Variants in C5orf46 observed in about 807,000 individuals in gnomAD.
C5orf46 encodes uncharacterized protein C5orf46.
C5orf46 carries 9 observed loss-of-function variants against 8.9 expected under a neutral mutation model. That is an observed-to-expected ratio of 1.01 (90% confidence interval 0.61 to 1.76). The LOEUF is 1.76. Ranked by LOEUF, C5orf46 falls within the 40% of genes most tolerant of loss-of-function variation. The pLI, the probability that C5orf46 is intolerant of heterozygous loss-of-function variation, is 0.00. For missense variants in C5orf46, 98 were observed against 107.8 expected (o/e 0.91, Z 0.40); for synonymous variants, 47 against 41.4 (o/e 1.14, Z -0.52).
At chr5:147,887,269 A>T (rs1253361902) in intron 2 of C5orf46, 4 of 152,186 alleles carry the variant, frequency 2.6e-5, no homozygotes, top group African/African-American at 7.2e-5. Context: ...ATTTGTGTAT[A>T]TATGCAAGGT....
At chr5:147,893,144 T>C (rs1223936592) in intron 3 of C5orf46, among the ~76,000 whole-genome samples, 1 of 151,978 alleles carries the variant, frequency 6.6e-6, no homozygotes, top group Non-Finnish European at 1.5e-5. Flanking sequence ...ATTCAGAGTA[T>C]ATAAAGAAAG....
downstream of C5orf46, among the ~76,000 whole-genome samples, chr5:147,889,170 A>T (rs1395060841): frequency 2.6e-5 from 4 of 152,176 alleles, no homozygotes; most frequent in African/African-American, 9.6e-5. Context: ...AAAGTCTATC[A>T]ATAGGGAAAT....
chr5:147,906,507 T>A lies in C5orf46; in HGVS notation c.-6A>T. On this transcript the variant is annotated 5_prime_UTR_variant, in exon 1 of 4. Coordinates refer to ENST00000318315, the MANE Select transcript of C5orf46 (RefSeq NM_206966.3). The stretch of plus-strand genomic sequence containing the variant: ...CGAAGTACTGAGACAGCCATTCTGG[T>A]AGCACGGGGTATTCGTGCAGATAAA... 6.2e-7 allele frequency: 1 copy of A among 1,605,300 alleles called. No homozygotes were observed. The highest frequency in any genetic ancestry group is 8.5e-7 in the Non-Finnish European group (1 of 1,172,662).
chr5:147,891,815 G>T (rs960006617), downstream of C5orf46, among the ~76,000 whole-genome samples: 2 of 152,294 alleles, frequency 1.3e-5, no homozygotes, highest in Non-Finnish European at 2.9e-5. Flanking sequence ...AGTGTGAGTT[G>T]TCTGAATTTA....
At chr5:147,887,057 G>A (rs1580978314) in intron 2 of C5orf46, 1 of 152,094 alleles carries the variant, frequency 6.6e-6, no homozygotes. Context: ...ATTATGTGCT[G>A]GAGGGTCAAG....
At chr5:147,904,246 AG>A (rs148300205) in intron 1 of C5orf46, among the ~76,000 whole-genome samples, 5,380 of 152,342 alleles carry the variant, frequency 0.035, 298 homozygotes, top group African/African-American at 0.12. Context: ...CAGTGCTTTC[AG>A]CACATGCCTT....
chr5:147,892,565 T>C (rs934576060), downstream of C5orf46: 3 of 152,334 alleles, frequency 2.0e-5, no homozygotes, highest in East Asian at 3.9e-4. Context: ...TGCTACATTA[T>C]CTGGGCTTTA....
At chr5:147,885,975 T>C (rs1757412242) in intron 2 of C5orf46, 2 of 152,142 alleles carry the variant, frequency 1.3e-5, no homozygotes, top group Non-Finnish European at 2.9e-5. Context: ...GACATCTTTG[T>C]AAAGAAATAC....
downstream of C5orf46, among the ~76,000 whole-genome samples, chr5:147,889,920 GA>G (rs1757478021): frequency 6.6e-6 from 1 of 152,186 alleles, no homozygotes; most frequent in Non-Finnish European, 1.5e-5. Context: ...AGGTAAGTTT[GA>G]AGGATTATAA....
chr5:147,897,126 G>T, intron 2 of C5orf46, 85 bp from the exon 3 acceptor site: 1 of 562,796 alleles, frequency 1.8e-6, no homozygotes, highest in Non-Finnish European at 3.1e-6. Context: ...TATAATGTTT[G>T]AGCCACACTG....
intron 2 of C5orf46, among the ~76,000 whole-genome samples, chr5:147,898,103 T>C (rs1757611706): frequency 6.6e-6 from 1 of 152,020 alleles, no homozygotes; most frequent in Admixed American, 6.6e-5. Flanking sequence ...AAAGTTCTGG[T>C]AGTAGGTAGA....
intron 2 of C5orf46, chr5:147,901,408 T>G: frequency 2.5e-6 from 1 of 395,194 alleles, no homozygotes; most frequent in Non-Finnish European, 4.5e-6. Context: ...AAAAATCCTG[T>G]ATGGAACCAC....
chr5:147,903,606 T>G (rs1357469408), intron 1 of C5orf46, among the ~76,000 whole-genome samples: 2 of 152,224 alleles, frequency 1.3e-5, no homozygotes, highest in Non-Finnish European at 2.9e-5. Flanking sequence ...TCTATGAGCA[T>G]TTATTGTTTA....
downstream of C5orf46, among the ~76,000 whole-genome samples, chr5:147,891,236 T>C (rs938935869): frequency 2.0e-5 from 3 of 152,172 alleles, no homozygotes; most frequent in Non-Finnish European, 4.4e-5. Context: ...ATTGCAGTTA[T>C]GAGATTACAA....
intron 2 of C5orf46, among the ~76,000 whole-genome samples, 156 bp from the exon 3 acceptor site, chr5:147,897,197 T>C (rs762414884): frequency 2.0e-5 from 3 of 152,206 alleles, no homozygotes; most frequent in Non-Finnish European, 4.4e-5. Flanking sequence ...ACATAGTTCA[T>C]AGTGGGCAAG....
Position 147,906,512 on chromosome 5 carries a change from C to T in C5orf46, c.-11G>A, listed in dbSNP as rs61742197. The T allele has an allele frequency of 3.2e-3, 5,060 of 1,601,452 alleles. 157 individuals are homozygous for T. The African/African-American group carries it at 0.061, about 19-fold the overall frequency. ...TACTGAGACAGCCATTCTGGTAGCA[C>T]GGGGTATTCGTGCAGATAAATTGTT... is the stretch of plus-strand genomic sequence containing the variant. On this transcript the variant is annotated 5_prime_UTR_variant, in exon 1 of 4. In the 5' UTR this introduces an upstream ATG that the reference lacks. Coordinates refer to ENST00000318315, the MANE Select transcript of C5orf46 (RefSeq NM_206966.3).
chr5:147,900,080 A>G (rs2127129711), intron 2 of C5orf46, among the ~76,000 whole-genome samples: 1 of 152,256 alleles, frequency 6.6e-6, no homozygotes. Context: ...TAGTGTTCTA[A>G]CTCCTTGTTT....
intron 1 of C5orf46, among the ~76,000 whole-genome samples, chr5:147,903,359 A>G (rs1757701031): frequency 6.6e-6 from 1 of 152,234 alleles, no homozygotes; most frequent in South Asian, 2.1e-4. Flanking sequence ...CTGATGCTGA[A>G]AGATTATTCA....
chr5:147,906,529 T>C lies in C5orf46; in HGVS notation c.-28A>G, dbSNP rs748070485. The stretch of plus-strand genomic sequence containing the variant: ...TGGTAGCACGGGGTATTCGTGCAGA[T>C]AAATTGTTCAGATACATGTGAAACA... On this transcript the variant is annotated 5_prime_UTR_variant, in exon 1 of 4. Transcript: ENST00000318315. 5 of 1,548,218 alleles carry C rather than the reference T, an allele frequency of 3.2e-6. No individual in the cohort carries two copies. The highest frequency in any genetic ancestry group is 4.5e-6 in the Non-Finnish European group (5 of 1,121,968).
Sources: gnomAD v4.1 joint callset for allele counts (sites outside exome capture counted in the v4.1 genomes callset) on GRCh38, gnomAD v4.1.1 for gene constraint, MANE v1.5 for transcripts, NCBI Gene and HGNC (gene_info 2026-07-23, HGNC 2026-07-21) for gene names.